Variants in DLG4 observed in about 807,000 individuals in gnomAD.
The protein encoded by DLG4 is discs large MAGUK scaffold protein 4.
Under a neutral mutation model 93.8 loss-of-function variants are expected in DLG4, and 7 were observed. The observed-to-expected ratio is 0.07, with a 90% CI of 0.04 to 0.14. DLG4 has a LOEUF of 0.14. Among genes scored for constraint, DLG4 ranks in the 10% least tolerant of loss-of-function variants. DLG4 has a pLI of 1.00. For synonymous variants in DLG4, 341 were observed against 387.6 expected, an observed-to-expected ratio of 0.88 and a Z score of 1.41; for missense variants, 545 against 992.9, an observed-to-expected ratio of 0.55 and a Z score of 6.06.
At chr17:7,199,979 C>CAAAAA (rs758701276) in intron 8 of DLG4, among the ~76,000 whole-genome samples, 1 of 54,238 alleles carries the variant, frequency 1.8e-5, no homozygotes. Context: ...GACTCCGTCT[C>CAAAAA]AAAAAAAAAA....
Position 7,188,778 on chromosome 17 carries a change from C to A in DLG4, c.*1930G>T, listed in dbSNP as rs577538356. Among the ~76,000 whole-genome samples, 8 of 152,030 alleles carry A rather than the reference C, an allele frequency of 5.3e-5. No individual in the cohort carries two copies. The highest frequency in any genetic ancestry group is 1.2e-4 in the Non-Finnish European group (8 of 68,026). The stretch of plus-strand genomic sequence containing the variant: ...GCATTTAGATTCTTATTTTCCTACC[C>A]TCATTATTTACAAAGCTGCCTCAGA... On this transcript the variant is annotated 3_prime_UTR_variant, in exon 20 of 20. Transcript: ENST00000399506.
intron 8 of DLG4, among the ~76,000 whole-genome samples, chr17:7,199,500 C>G (rs1358310893): frequency 6.6e-6 from 1 of 151,892 alleles, no homozygotes; most frequent in Non-Finnish European, 1.5e-5. Flanking sequence ...CGCGCCCAGC[C>G]AAAATATTTT....
chr17:7,217,548 C>T lies in DLG4; in HGVS notation c.-401G>A, dbSNP rs1409582698. 58 of 183,436 alleles carry T rather than the reference C, an allele frequency of 3.2e-4. No individual in the cohort carries two copies. The highest frequency in any genetic ancestry group is 3.5e-4 in the Non-Finnish European group (57 of 161,268). The allele number at this position is 183,436 out of a possible 1,614,324, so 11.4% of individuals were successfully genotyped here. ...AACGGCCAGGGGCTAGGGGCCGTGGCGGGGGAGTGGGGTGGGGGGGTTGGA... is the reference window on the plus strand; with the variant it reads ...AACGGCCAGGGGCTAGGGGCCGTGGTGGGGGAGTGGGGTGGGGGGGTTGGA... On this transcript the variant is annotated 5_prime_UTR_variant, in exon 1 of 20. Transcript: ENST00000399506.
chr17:7,194,275 T>C lies in DLG4; in HGVS notation c.1478+44A>G, dbSNP rs752866490. ...GCCCACCCCGGGGGACCTTGGGAAC[T>C]TCAGTGCCTGTGGCAGGAAGGCTAC... On this transcript the variant is annotated intron_variant, in intron 12 of 19. Transcript: ENST00000399506. This position sits in a 1 kb window ranked among gnomAD's most constrained non-coding sequence, Gnocchi z 4.4. 2.0e-5 allele frequency: 31 copies of C among 1,574,500 alleles called. No individual in the cohort carries two copies. The highest frequency in any genetic ancestry group is 2.6e-5 in the Non-Finnish European group (30 of 1,160,482).
At position 7,191,773 on chromosome 17, in the gene DLG4, C is replaced by A. The variant is rs1042998731; in HGVS notation, c.1976+120G>T. 17 of 709,390 alleles carry A rather than the reference C, an allele frequency of 2.4e-5. No homozygotes were observed. Among genetic ancestry groups the A allele is most frequent in the Middle Eastern group, 2.5e-4 (1 of 3,976 alleles). 43.9% of individuals were successfully genotyped at this position (709,390 alleles called of 1,614,324 possible). A position where few individuals can be genotyped will look rare whatever the true frequency, so the allele number is the denominator to read the frequency against. ...TCCTCTGGGTTCCAGGGATCCCCCT[C>A]AGGGGCTGCTGAAACCGCTGTCCAG... On this transcript the variant is annotated intron_variant, in intron 18 of 19. Coordinates refer to ENST00000399506, the MANE Select transcript of DLG4 (RefSeq NM_001321075.3). The surrounding 1 kb of genome is among the most constrained non-coding windows in gnomAD (Gnocchi z 6.6).
intron 8 of DLG4, among the ~76,000 whole-genome samples, chr17:7,200,432 A>C (rs2070058359): frequency 6.6e-6 from 1 of 152,244 alleles, no homozygotes; most frequent in African/African-American, 2.4e-5. Flanking sequence ...TATTTCTAAT[A>C]ATTTTATAGA....
rs1393228238 is a variant in DLG4 at position 7,188,812 on chromosome 17, A to T, written c.*1896T>A. ...TACAAAGCTGCCTCAGATCTTTCCCATAGAGATAGGACATAAAGGCTGGGC... is the reference window on the plus strand; with the variant it reads ...TACAAAGCTGCCTCAGATCTTTCCCTTAGAGATAGGACATAAAGGCTGGGC... On this transcript the variant is annotated 3_prime_UTR_variant, in exon 20 of 20. Coordinates refer to ENST00000399506, the MANE Select transcript of DLG4 (RefSeq NM_001321075.3). Among the ~76,000 whole-genome samples, 2 of 152,060 alleles carry T rather than the reference A, an allele frequency of 1.3e-5. No individual in the cohort carries two copies. The highest frequency in any genetic ancestry group is 3.9e-4 in the East Asian group (2 of 5,192).
At position 7,196,766 on chromosome 17, in the gene DLG4, C is replaced by T; in HGVS notation, c.1074G>A (p.Gln358=). 1.2e-6 allele frequency: 2 copies of T among 1,606,560 alleles called. No individual in the cohort carries two copies. The highest frequency in any genetic ancestry group is 1.7e-6 in the Non-Finnish European group (2 of 1,176,454). The change falls in exon 9 of 20, where the codon CAG becomes CAA. Residue 358 remains glutamine (Q), a synonymous_variant. Transcript: ENST00000399506. The surrounding 1 kb of genome is among the most constrained non-coding windows in gnomAD (Gnocchi z 8.3). ...GCAGGCCTTCCCTCACCGACAGGAT[C>T]TGGTCCCCCTTCCGCAGCTCCCCAC... The part of the protein sequence containing the change: ...DLSGELRKGD[Q]ILSVNGVDLR...
chr17:7,189,820 G>A lies in DLG4; in HGVS notation c.*888C>T, dbSNP rs2142796329. The A allele has an allele frequency of 6.5e-6, 1 of 152,708 alleles. No individual in the cohort carries two copies. The highest frequency in any genetic ancestry group is 2.1e-4 in the South Asian group (1 of 4,822). 9.5% of individuals were successfully genotyped at this position (152,708 alleles called of 1,614,324 possible). On this transcript the variant is annotated 3_prime_UTR_variant, in exon 20 of 20. Coordinates refer to ENST00000399506, the MANE Select transcript of DLG4 (RefSeq NM_001321075.3). ...ACTAACCTCTCTGGCTTGGAGTGAA[G>A]AAGGATCTGACTCTGCTGCGCCCAT...
upstream of DLG4, chr17:7,218,713 C>T: frequency 6.5e-7 from 1 of 1,541,166 alleles, no homozygotes; most frequent in Non-Finnish European, 8.9e-7. Flanking sequence ...CACTTCATCT[C>T]CCCAGACTGT....
intron 8 of DLG4, among the ~76,000 whole-genome samples, chr17:7,200,929 G>A (rs1321973122): frequency 7.8e-6 from 1 of 127,838 alleles, no homozygotes; most frequent in African/African-American, 3.0e-5. Context: ...GTGAGATCTT[G>A]GCTCACTGCA....
At chr17:7,199,456 C>T (rs1022899707) in intron 8 of DLG4, among the ~76,000 whole-genome samples, 6 of 152,020 alleles carry the variant, frequency 3.9e-5, no homozygotes, top group African/African-American at 1.4e-4. Context: ...CTGCCTCAAC[C>T]TCCCAAAGTG....
chr17:7,209,523 T>C (rs2070626775), intron 1 of DLG4, among the ~76,000 whole-genome samples: 1 of 152,130 alleles, frequency 6.6e-6, no homozygotes, highest in Non-Finnish European at 1.5e-5. Flanking sequence ...CCCAGCACTT[T>C]GGGAGGCTGA....
chr17:7,207,119 G>A (rs913116028), intron 2 of DLG4, among the ~76,000 whole-genome samples: 1 of 149,218 alleles, frequency 6.7e-6, no homozygotes, highest in Admixed American at 6.6e-5. Flanking sequence ...GGGCAGAGGG[G>A]GATAGAAAGA....
chr17:7,207,010 A>G (rs189610766), intron 2 of DLG4, among the ~76,000 whole-genome samples: 1 of 152,064 alleles, frequency 6.6e-6, no homozygotes, highest in Non-Finnish European at 1.5e-5. Context: ...TGGACTGGAG[A>G]ATGGAAGGTC....
intron 1 of DLG4, chr17:7,214,050 T>C: frequency 2.9e-6 from 1 of 346,714 alleles, no homozygotes; most frequent in Non-Finnish European, 5.8e-6. Flanking sequence ...CCATTTTCCG[T>C]TTCTCTGTTG....
At chr17:7,219,298 G>T, upstream of DLG4, 1 of 724,968 alleles carries the variant, frequency 1.4e-6, no homozygotes, top group Non-Finnish European at 1.7e-6. Flanking sequence ...CATCTGCCTG[G>T]GCACATGGTC....
rs766118390 is a variant in DLG4 at position 7,190,532 on chromosome 17, C to T, written c.*176G>A. 2.0e-5 allele frequency: 12 copies of T among 602,708 alleles called. No homozygotes were observed. The highest frequency in any genetic ancestry group is 5.5e-5 in the Admixed American group (2 of 36,632). The allele number at this position is 602,708 out of a possible 1,614,324, so 37.3% of individuals were successfully genotyped here. ...CGTTCAGGAGCCCAGTTCTGGGGTG[C>T]GGGGATACATGCAGAGGAGTGTCCC... On this transcript the variant is annotated 3_prime_UTR_variant, in exon 20 of 20. Coordinates refer to ENST00000399506, the MANE Select transcript of DLG4 (RefSeq NM_001321075.3).
Position 7,187,267 on chromosome 17 carries a change from C to T in DLG4, c.*3441G>A, listed in dbSNP as rs1258793760. Among the ~76,000 whole-genome samples, 3 of 125,894 alleles carry T rather than the reference C, an allele frequency of 2.4e-5. No homozygotes were observed. The highest frequency in any genetic ancestry group is 5.2e-4 in the South Asian group (2 of 3,812). 82.6% of individuals were successfully genotyped at this position (125,894 alleles called of 152,430 possible). On this transcript the variant is annotated 3_prime_UTR_variant, in exon 20 of 20. Coordinates refer to ENST00000399506, the MANE Select transcript of DLG4 (RefSeq NM_001321075.3). ...CAAAATAATGCATGCAGGCCAGGCG[C>T]GGTGGCTCATGCCTGTAATCCTAGC...
Sources: gnomAD v4.1 joint callset for allele counts (sites outside exome capture counted in the v4.1 genomes callset) on GRCh38, gnomAD v4.1.1 for gene constraint, Gnocchi (gnomAD v3.1) non-coding constraint, MANE v1.5 for transcripts, NCBI Gene and HGNC (gene_info 2026-07-23, HGNC 2026-07-21) for gene names.